AAAS: variants seen among roughly 807,000 people sequenced by gnomAD.
AAAS encodes the protein aladin WD repeat nucleoporin.
Under a neutral mutation model 75.6 loss-of-function variants are expected in AAAS, and 60 were observed. That is an observed-to-expected ratio of 0.79 (90% confidence interval 0.64 to 0.98). The LOEUF is 0.98. Among genes scored for constraint, AAAS ranks in the 50% least tolerant of loss-of-function variants. The probability of loss-of-function intolerance (pLI) is 0.00; values close to 1 mark genes in which losing one functional copy is unlikely to be tolerated. For synonymous variants in AAAS, 271 were observed against 265.0 expected, an observed-to-expected ratio of 1.02 and a Z score of -0.22; for missense variants, 658 against 686.9, an observed-to-expected ratio of 0.96 and a Z score of 0.47.
chr12:53,307,577 AAG>A lies in AAAS; in HGVS notation c.1551_1552del (p.Phe518TyrfsTer2). The A allele has an allele frequency of 6.2e-7, 1 of 1,614,162 alleles. No homozygotes were observed. Among genetic ancestry groups the A allele is most frequent in the Non-Finnish European group, 8.5e-7 (1 of 1,180,006 alleles). On this transcript the variant is annotated frameshift_variant, in exon 16 of 16. Transcript: ENST00000209873. LOFTEE classifies it high-confidence loss of function. ...GGCAGAGGTTGGGGATGTCTCAGTA[AAG>A]AGGGGCAGGTCATGAATAGAGCCTC...
chr12:53,320,535 T>TG (rs776943738), intron 2 of AAAS, 30 bp downstream of exon 2: 1 of 1,612,990 alleles, frequency 6.2e-7, no homozygotes, highest in African/African-American at 1.3e-5. Flanking sequence ...CTGCAGACTG[T>TG]GACCCAGGAA....
In AAAS at chr12:53,307,843, A is replaced by G. The variant is rs1339994014; in HGVS notation, c.1416+2T>C. 6.2e-7 allele frequency: 1 copy of G among 1,614,226 alleles called. No individual in the cohort carries two copies. The highest frequency in any genetic ancestry group is 8.5e-7 in the Non-Finnish European group (1 of 1,180,030). On this transcript the variant is annotated splice_donor_variant, in intron 15 of 15. Coordinates refer to ENST00000209873, the MANE Select transcript of AAAS (RefSeq NM_015665.6). LOFTEE classifies it high-confidence loss of function. ...GAAGCCCCAGCAGCCTGGCGCACTC[A>G]CCACACTGAGCAGGGCCCCTTTGTT...
intron 7 of AAAS, among the ~76,000 whole-genome samples, chr12:53,313,695 G>A (rs181509311): frequency 1.2e-3 from 186 of 150,988 alleles, no homozygotes; most frequent in African/African-American, 4.1e-3. Flanking sequence ...TGCAACCTCC[G>A]CCTCCCAGAT....
intron 12 of AAAS, 29 bp from the exon 13 acceptor site, chr12:53,308,378 T>G (rs749874312): frequency 1.9e-5 from 31 of 1,614,034 alleles, no homozygotes; most frequent in Non-Finnish European, 2.5e-5. Flanking sequence ...TAGGAGAGTT[T>G]CAGTGTGGTC....
rs765177858 is a variant in AAAS, at chr12:53,315,400, C to T, written c.334G>A (p.Gly112Ser). ...EVFEWVKTAS[G>S]WALALCRWAS... ...CATCGACAGAGTGCCAGGGCCCAGC[C>T]GGATGCCGTCTTCACCCACTCAAAC... is the stretch of plus-strand genomic sequence containing the variant. The change falls in exon 4 of 16, where the codon GGC becomes AGC. Residue 112 changes from glycine (G) to serine (S), a missense_variant. Transcript: ENST00000209873. 22 of 1,613,674 alleles carry T rather than the reference C, an allele frequency of 1.4e-5. No homozygotes were observed. In the South Asian group the frequency reaches 1.5e-4, roughly 11 times the overall value.
In AAAS at chr12:53,314,341, A is replaced by G; in HGVS notation, c.646T>C (p.Cys216Arg). ...ASVLAVACQS[C>R]ILIWTLDPTS... ...GGGTCCAGGGTCCAGATAAGAATGCAGCTCTGGCAGGCCACAGCCAAGACA... is the reference window on the plus strand; with the variant it reads ...GGGTCCAGGGTCCAGATAAGAATGCGGCTCTGGCAGGCCACAGCCAAGACA... The change falls in exon 7 of 16, where the codon TGC becomes CGC. Residue 216 changes from cysteine to arginine, a missense_variant. Cys to Arg is a radical substitution (Grantham distance 180, BLOSUM62 -3). Transcript: ENST00000209873. 1 of 1,614,188 alleles carries G rather than the reference A, an allele frequency of 6.2e-7. No homozygotes were observed. Among genetic ancestry groups the G allele is most frequent in the Non-Finnish European group, 8.5e-7 (1 of 1,180,024 alleles).
intron 5 of AAAS, 98 bp downstream of exon 5, chr12:53,314,996 G>A: frequency 1.3e-6 from 2 of 1,502,152 alleles, no homozygotes; most frequent in Non-Finnish European, 1.9e-6. Flanking sequence ...AATATGGTGA[G>A]CAATCAGAAA....
chr12:53,320,462 C>G, intron 2 of AAAS, 103 bp downstream of exon 2: 1 of 1,516,468 alleles, frequency 6.6e-7, no homozygotes, highest in African/African-American at 1.4e-5. Flanking sequence ...GTGGAGACAG[C>G]CTGAATAAAA....
At chr12:53,315,961 G>A (rs986079379) in intron 2 of AAAS, among the ~76,000 whole-genome samples, 179 bp from the exon 3 acceptor site, 14 of 152,258 alleles carry the variant, frequency 9.2e-5, no homozygotes, top group South Asian at 6.2e-4. Context: ...AAATCTGAAC[G>A]AGATTCTACC....
chr12:53,308,560 C>G, intron 11 of AAAS, 32 bp from the exon 12 acceptor site: 3 of 1,613,460 alleles, frequency 1.9e-6, no homozygotes, highest in South Asian at 1.1e-5. Context: ...GAGGTTCTTG[C>G]AAGAAACAGG....
Position 53,307,850 on chromosome 12 carries a change from T to A in AAAS, c.1411A>T (p.Ser471Cys), listed in dbSNP as rs756184724. The A allele has an allele frequency of 6.2e-7, 1 of 1,614,212 alleles. No individual in the cohort carries two copies. Among genetic ancestry groups the A allele is most frequent in the Non-Finnish European group, 8.5e-7 (1 of 1,180,044 alleles). The stretch of plus-strand genomic sequence containing the variant: ...CAGCAGCCTGGCGCACTCACCACAC[T>A]GAGCAGGGCCCCTTTGTTGAAGGAA... ...HPSFNKGALL[S>C]VGWSTGRIAH... is the part of the protein sequence containing the mutation. The change falls in exon 15 of 16, where the codon AGT becomes TGT. Residue 471 changes from serine to cysteine, a missense_variant. By Grantham distance (112) the Ser-to-Cys change is moderately radical (BLOSUM62 -1). Coordinates refer to ENST00000209873, the MANE Select transcript of AAAS (RefSeq NM_015665.6).
At chr12:53,320,417 T>A in intron 2 of AAAS, 148 bp downstream of exon 2, 1 of 1,158,306 alleles carries the variant, frequency 8.6e-7, no homozygotes, top group Non-Finnish European at 1.3e-6. Flanking sequence ...TAATAAGGAC[T>A]AAAAATTTCA....
chr12:53,307,727 A>G lies in AAAS; in HGVS notation c.1417-14T>C, dbSNP rs748004231. 2.5e-6 allele frequency: 4 copies of G among 1,614,034 alleles called. No homozygotes were observed. The highest frequency in any genetic ancestry group is 1.3e-5 in the African/African-American group (1 of 75,058). ...TGTGGACCAGCCCTGCAGAGAAGGGAAAGAAAAGGATCAGAGTCTGGGCCC... is the reference window on the plus strand; with the variant it reads ...TGTGGACCAGCCCTGCAGAGAAGGGGAAGAAAAGGATCAGAGTCTGGGCCC... On this transcript the variant is annotated splice_polypyrimidine_tract_variant and intron_variant, in intron 15 of 15. Transcript: ENST00000209873.
chr12:53,308,032 A>C lies in AAAS; in HGVS notation c.1331+20T>G, dbSNP rs1028267626. 25 of 1,614,122 alleles carry C rather than the reference A, an allele frequency of 1.5e-5. No individual in the cohort carries two copies. The highest frequency in any genetic ancestry group is 2.1e-5 in the Non-Finnish European group (25 of 1,179,928). On this transcript the variant is annotated intron_variant, in intron 14 of 15. Coordinates refer to ENST00000209873, the MANE Select transcript of AAAS (RefSeq NM_015665.6). ...AAGGCTGGTGAGAAGTCCAGACCTA[A>C]GGGCCCACATGGCACTTACCAGGGA...
intron 14 of AAAS, 59 bp from the exon 15 acceptor site, chr12:53,307,988 G>A (rs943399751): frequency 9.9e-6 from 16 of 1,612,474 alleles, no homozygotes; most frequent in Admixed American, 1.7e-5. Flanking sequence ...GTAGTGGGAT[G>A]TGGGTTTGTT....
intron 2 of AAAS, among the ~76,000 whole-genome samples, chr12:53,316,629 T>G (rs1433650374): frequency 1.3e-5 from 2 of 149,448 alleles, no homozygotes; most frequent in Non-Finnish European, 3.0e-5. Flanking sequence ...GGTGTGGTGG[T>G]CCATGCCTAT....
chr12:53,312,018 G>A (rs1944397112), intron 7 of AAAS, among the ~76,000 whole-genome samples: 1 of 151,956 alleles, frequency 6.6e-6, no homozygotes, highest in Non-Finnish European at 1.5e-5. Flanking sequence ...AAATCAGGAA[G>A]ATCCTGCAAC....
chr12:53,312,578 G>A (rs1466085096), intron 7 of AAAS, among the ~76,000 whole-genome samples: 2 of 125,516 alleles, frequency 1.6e-5, no homozygotes, highest in Non-Finnish European at 3.5e-5. Flanking sequence ...AAAAAAAAAA[G>A]AAATCAAACA....
chr12:53,315,660 G>A (rs1481888982), intron 3 of AAAS, 67 bp downstream of exon 3: 3 of 1,567,472 alleles, frequency 1.9e-6, no homozygotes, highest in Admixed American at 3.5e-5. Flanking sequence ...GGTGTCGGGG[G>A]TGAGTTCAAG....
Sources: allele counts gnomAD v4.1 joint callset (sites outside exome capture counted in the v4.1 genomes callset), GRCh38; gene constraint gnomAD v4.1.1; transcripts MANE v1.5; gene names NCBI Gene and HGNC (gene_info 2026-07-23, HGNC 2026-07-21).